Variants in SPIN1 observed in about 807,000 individuals in gnomAD.
SPIN1 encodes the protein spindlin 1, also known as spindlin-1.
Under a neutral mutation model 26.0 loss-of-function variants are expected in SPIN1, and 3 were observed. The observed-to-expected ratio is 0.12, with a 90% CI of 0.05 to 0.30. The LOEUF is 0.30. SPIN1 is among the 10% of genes least tolerant of loss of function. The pLI is 1.00. For synonymous variants in SPIN1, 101 were observed against 116.5 expected (o/e 0.87, Z 0.86); for missense variants, 126 against 333.4 (o/e 0.38, Z 4.84).
chr9:88,445,916 T>C (rs1021415643), intron 2 of SPIN1, among the ~76,000 whole-genome samples: 3 of 152,200 alleles, frequency 2.0e-5, no homozygotes, highest in African/African-American at 7.2e-5. Context: ...TTTGGCATTC[T>C]TTTAGTATTC....
intron 2 of SPIN1, among the ~76,000 whole-genome samples, chr9:88,428,140 C>T (rs1477803465): frequency 6.6e-6 from 1 of 152,156 alleles, no homozygotes; most frequent in Non-Finnish European, 1.5e-5. Context: ...CATATATGTA[C>T]AGCATACAGC....
intron 1 of SPIN1, among the ~76,000 whole-genome samples, chr9:88,392,585 C>G (rs1204976967): frequency 6.6e-6 from 1 of 151,958 alleles, no homozygotes. Flanking sequence ...CCTCTCCTCT[C>G]CTCTCTTCTC....
intron 1 of SPIN1, among the ~76,000 whole-genome samples, chr9:88,418,036 C>G (rs1160083982): frequency 6.6e-6 from 1 of 152,228 alleles, no homozygotes; most frequent in East Asian, 1.9e-4. Flanking sequence ...CATGTGTTCA[C>G]GAACCTTAAG....
intron 3 of SPIN1, among the ~76,000 whole-genome samples, chr9:88,460,924 G>A (rs1009520058): frequency 6.6e-6 from 1 of 152,198 alleles, no homozygotes; most frequent in African/African-American, 2.4e-5. Context: ...TTTGCTCAGT[G>A]TTAGATAGTA....
In SPIN1 at chr9:88,448,984, C is replaced by T; in HGVS notation, c.96C>T (p.Ser32=). 5 of 1,612,518 alleles carry T rather than the reference C, an allele frequency of 3.1e-6. No homozygotes were observed. Among genetic ancestry groups the T allele is most frequent in the Non-Finnish European group, 4.2e-6 (5 of 1,179,638 alleles). The change falls in exon 3 of 6, where the codon TCC becomes TCT. Residue 32 remains serine (S), a synonymous_variant. Transcript: ENST00000375859. ...VSANMMKKRT[S]HKKHRSSVGP... is the part of the protein sequence containing the mutation. ...CCAACATGATGAAGAAGAGGACATC[C>T]CACAAGTAAGCAGTTCTGAAACTGG...
chr9:88,458,704 G>A (rs1397514354), intron 3 of SPIN1, among the ~76,000 whole-genome samples: 1 of 152,148 alleles, frequency 6.6e-6, no homozygotes, highest in African/African-American at 2.4e-5. Context: ...GGGAAGCGGG[G>A]AAGATTTATA....
At position 88,478,227 on chromosome 9, in the gene SPIN1, A is replaced by T. The variant is rs1348815826; in HGVS notation, c.*2950A>T. On this transcript the variant is annotated 3_prime_UTR_variant, in exon 6 of 6. Coordinates refer to ENST00000375859, the MANE Select transcript of SPIN1 (RefSeq NM_006717.3). The stretch of plus-strand genomic sequence containing the variant: ...TTTTATGTGCCAAACCACGAAGTGC[A>T]TTGGGCTTCAATCTCTGAACACTGT... 2 of 152,648 alleles carry T rather than the reference A, an allele frequency of 1.3e-5. No individual in the cohort carries two copies. Among genetic ancestry groups the T allele is most frequent in the African/African-American group, 4.8e-5 (2 of 41,462 alleles). 9.5% of individuals were successfully genotyped at this position (152,648 alleles called of 1,614,324 possible).
chr9:88,448,762 TTGTG>T (rs1828302494), intron 2 of SPIN1, among the ~76,000 whole-genome samples, 175 bp from the exon 3 acceptor site: 1 of 152,308 alleles, frequency 6.6e-6, no homozygotes, highest in South Asian at 2.1e-4. Flanking sequence ...CAAGAATCTC[TTGTG>T]TGTATCTCTT....
chr9:88,434,615 G>C (rs1195529585), intron 2 of SPIN1, among the ~76,000 whole-genome samples: 1 of 152,092 alleles, frequency 6.6e-6, no homozygotes, highest in African/African-American at 2.4e-5. Context: ...GGGTTAAGCA[G>C]TATGTAGAGC....
At chr9:88,438,353 T>C (rs1191015810) in intron 2 of SPIN1, among the ~76,000 whole-genome samples, 1 of 152,178 alleles carries the variant, frequency 6.6e-6, no homozygotes, top group Non-Finnish European at 1.5e-5. Context: ...TATTTTGAGA[T>C]TTTTCAGCCA....
chr9:88,457,231 A>ATT (rs2118167808), intron 3 of SPIN1, among the ~76,000 whole-genome samples: 1 of 152,326 alleles, frequency 6.6e-6, no homozygotes, highest in East Asian at 1.9e-4. Flanking sequence ...TCTTTGTGAC[A>ATT]TTTTAGAGTC....
At chr9:88,397,647 A>G (rs1371892992) in intron 1 of SPIN1, among the ~76,000 whole-genome samples, 1 of 150,032 alleles carries the variant, frequency 6.7e-6, no homozygotes, top group Admixed American at 6.7e-5. Context: ...TTTTTTCCCC[A>G]GTCTTGCTCT....
chr9:88,397,455 C>G (rs1375729597), intron 1 of SPIN1, among the ~76,000 whole-genome samples: 1 of 152,070 alleles, frequency 6.6e-6, no homozygotes, highest in Non-Finnish European at 1.5e-5. Flanking sequence ...TGTTCTTTTC[C>G]TCTGCCTGGA....
intron 1 of SPIN1, among the ~76,000 whole-genome samples, chr9:88,424,603 A>G (rs1564028893): frequency 6.6e-6 from 1 of 152,222 alleles, no homozygotes; most frequent in Admixed American, 6.5e-5. Context: ...AAAGCTGTAC[A>G]TTGATACTGG....
chr9:88,393,139 T>C (rs1826967516), intron 1 of SPIN1, among the ~76,000 whole-genome samples: 1 of 151,308 alleles, frequency 6.6e-6, no homozygotes, highest in South Asian at 2.1e-4. Flanking sequence ...GTGCTTTTTT[T>C]TTTTTTTTTC....
intron 4 of SPIN1, among the ~76,000 whole-genome samples, chr9:88,466,197 C>T (rs757409084): frequency 6.6e-6 from 1 of 151,974 alleles, no homozygotes; most frequent in Non-Finnish European, 1.5e-5. Context: ...CTCGCTTTGT[C>T]ACCCAGGCTG....
intron 3 of SPIN1, among the ~76,000 whole-genome samples, chr9:88,449,675 C>G (rs370787710): frequency 3.9e-5 from 6 of 152,162 alleles, no homozygotes; most frequent in African/African-American, 1.4e-4. Flanking sequence ...TTTATTATAT[C>G]TAATAGATTT....
intron 1 of SPIN1, among the ~76,000 whole-genome samples, chr9:88,414,906 A>C (rs1587783552): frequency 6.6e-6 from 1 of 151,822 alleles, no homozygotes; most frequent in East Asian, 1.9e-4. Context: ...GTGTTTAATA[A>C]TTTTTTTTGT....
chr9:88,446,884 A>AGAAGTGCCTT (rs1171795119), intron 2 of SPIN1, among the ~76,000 whole-genome samples: 1 of 152,242 alleles, frequency 6.6e-6, no homozygotes, highest in Admixed American at 6.5e-5. Context: ...AATTTGATGA[A>AGAAGTGCCTT]GAAGTGCCTT....
Sources: allele counts gnomAD v4.1 joint callset (sites outside exome capture counted in the v4.1 genomes callset), GRCh38; gene constraint gnomAD v4.1.1; transcripts MANE v1.5; gene names NCBI Gene and HGNC (gene_info 2026-07-23, HGNC 2026-07-21).